Variants in ZBTB34 observed in about 807,000 individuals in gnomAD.
ZBTB34 encodes zinc finger and BTB domain-containing protein 34.
In ZBTB34, 1 loss-of-function variant was observed where a neutral mutation model predicts 33.4. The observed-to-expected ratio is 0.03, with a 90% confidence interval of 0.01 to 0.14. The LOEUF (loss-of-function observed/expected upper bound fraction) is 0.14. Ranked by LOEUF, ZBTB34 falls within the 10% of genes least tolerant of loss-of-function variation. The probability of loss-of-function intolerance (pLI) is 1.00; values close to 1 mark genes in which losing one functional copy is unlikely to be tolerated. For missense variants in ZBTB34, 406 were observed against 657.2 expected (o/e 0.62, Z 4.18); for synonymous variants, 283 against 253.5 (o/e 1.12, Z -1.11).
At chr9:126,884,340 G>A (rs1184869171) in exon 2 of ZBTB34, 1 of 166,982 alleles carries the variant, frequency 6.0e-6, no homozygotes, top group African/African-American at 2.4e-5. Context: ...TTCTACTAAA[G>A]CTGTAAATAC....
At chr9:126,876,165 TCCCCCCTTC>T (rs2033355131) in intron 1 of ZBTB34, among the ~76,000 whole-genome samples, 1 of 1,114 alleles carries the variant, frequency 9.0e-4, no homozygotes, top group African/African-American at 5.7e-3. Flanking sequence ...CTTCCGTCCT[TCCCCCCTTC>T]CCCCCTTTCC....
rs114919985 is a variant in ZBTB34, at chr9:126,865,189, T to C, written c.-11+4450T>C. 6.2e-3 allele frequency among the ~76,000 whole-genome samples: 939 copies of C among 152,370 alleles called. 13 individuals carry two copies. Among genetic ancestry groups the C allele is most frequent in the African/African-American group, 0.021 (893 of 41,586 alleles). On this transcript the variant is annotated intron_variant, in intron 1 of 1. Coordinates refer to ENST00000319119, the Ensembl canonical transcript of ZBTB34. ...AATAAGCCACCGTGCTAGATTTTGC[T>C]GTGGGCAGAGACGATCCCGCATCTC... is the stretch of plus-strand genomic sequence containing the variant.
At chr9:126,861,913 A>T (rs1449721880) in intron 1 of ZBTB34, among the ~76,000 whole-genome samples, 1 of 152,158 alleles carries the variant, frequency 6.6e-6, no homozygotes, top group Non-Finnish European at 1.5e-5. Context: ...GGAAGTCAAA[A>T]AATAGTTGAG....
chr9:126,866,125 T>C (rs1230949197), intron 1 of ZBTB34, among the ~76,000 whole-genome samples: 6 of 150,888 alleles, frequency 4.0e-5, no homozygotes, highest in Non-Finnish European at 5.9e-5. Flanking sequence ...CCTTCTCTCT[T>C]TTTTTTTTCC....
At chr9:126,870,965 T>A (rs2033269495) in intron 1 of ZBTB34, among the ~76,000 whole-genome samples, 1 of 151,762 alleles carries the variant, frequency 6.6e-6, no homozygotes, top group Admixed American at 6.6e-5. Context: ...ATGAGGTACA[T>A]CTTTCACCTA....
chr9:126,880,328 G>T lies in ZBTB34; in HGVS notation c.929G>T (p.Ser310Ile). Reference sequence around the variant, plus strand: ...GCTTTTGGAAGTTTGAGTAATTCCAGCCCATCCAGGTCCATGCTGAGCTGT... The same window carrying T: ...GCTTTTGGAAGTTTGAGTAATTCCATCCCATCCAGGTCCATGCTGAGCTGT... The change falls in exon 2 of 2, where the codon AGC becomes ATC. Residue 310 changes from serine (S) to isoleucine (I), a missense_variant. Physicochemically the swap from Ser to Ile is moderately radical, Grantham distance 142. This residue lies in a region of ZBTB34 where 123 missense variants were observed against 140.4 expected (regional missense o/e 0.88). Coordinates refer to ENST00000319119, the Ensembl canonical transcript of ZBTB34. The surrounding 1 kb of genome is among the most constrained non-coding windows in gnomAD (Gnocchi z 6.7). 6.2e-7 allele frequency: 1 copy of T among 1,613,974 alleles called. No homozygotes were observed. The highest frequency in any genetic ancestry group is 8.5e-7 in the Non-Finnish European group (1 of 1,179,894).
chr9:126,883,187 G>A (rs1051198453), exon 2 of ZBTB34: 12 of 166,450 alleles, frequency 7.2e-5, no homozygotes, highest in Non-Finnish European at 1.6e-4. Flanking sequence ...ACATGAATAA[G>A]TTTGGTTTTG....
chr9:126,864,307 G>A (rs1039333101), intron 1 of ZBTB34, among the ~76,000 whole-genome samples: 42 of 152,100 alleles, frequency 2.8e-4, no homozygotes, highest in Admixed American at 2.4e-3. Flanking sequence ...TCTTAGTGTC[G>A]TCTAAGAGCT....
chr9:126,883,508 C>G (rs1387495441), exon 2 of ZBTB34: 3 of 167,052 alleles, frequency 1.8e-5, no homozygotes, highest in Non-Finnish European at 4.4e-5. Context: ...AGTGACTTAT[C>G]CAAAATTGTC....
chr9:126,867,073 G>A lies in ZBTB34; in HGVS notation c.-11+6334G>A, dbSNP rs562107920. ...TCTACCCACTCTTCTTAATAGCTGC[G>A]TAGTATTTCATTGTTGATTATATTT... is the stretch of plus-strand genomic sequence containing the variant. On this transcript the variant is annotated intron_variant, in intron 1 of 1. Coordinates refer to ENST00000319119, the Ensembl canonical transcript of ZBTB34. 5.3e-5 allele frequency among the ~76,000 whole-genome samples: 8 copies of A among 150,156 alleles called. No homozygotes were observed. The South Asian group carries it at 6.3e-4, about 12-fold the overall frequency.
chr9:126,863,967 C>T (rs1297285193), intron 1 of ZBTB34, among the ~76,000 whole-genome samples: 1 of 152,156 alleles, frequency 6.6e-6, no homozygotes, highest in East Asian at 1.9e-4. Flanking sequence ...TGACTGCAAA[C>T]CACTTGAAGT....
chr9:126,880,025 G>A lies in ZBTB34; in HGVS notation c.626G>A (p.Ser209Asn). The A allele has an allele frequency of 6.2e-7, 1 of 1,613,716 alleles. No homozygotes were observed. Among genetic ancestry groups the A allele is most frequent in the Non-Finnish European group, 8.5e-7 (1 of 1,179,900 alleles). The change falls in exon 2 of 2, where the codon AGT becomes AAT. Residue 209 changes from serine (S) to asparagine (N), a missense_variant. This residue lies in a region of ZBTB34 where 137 missense variants were observed against 173.0 expected (regional missense o/e 0.79). Transcript: ENST00000319119. The surrounding 1 kb of genome is among the most constrained non-coding windows in gnomAD (Gnocchi z 6.7). ...GAGGGGCACTCAGACCGCGGGAGCA[G>A]TGGGAGCGTTTCTGAATATGAGATT...
chr9:126,880,608 C>G lies in ZBTB34; in HGVS notation c.1209C>G (p.Pro403=), dbSNP rs771186243. ...TGCGACTCCATATGGGAATCACCCC[C>G]TTTGTGTGCAAGTTCTGTGGGAAGA... Residue 403 remains proline (P), a synonymous_variant, in exon 2 of 2, where the codon CCC becomes CCG. Transcript: ENST00000319119. This position sits in a 1 kb window ranked among gnomAD's most constrained non-coding sequence, Gnocchi z 6.7. The G allele has an allele frequency of 1.2e-6, 2 of 1,613,902 alleles. No individual in the cohort carries two copies. The highest frequency in any genetic ancestry group is 8.5e-7 in the Non-Finnish European group (1 of 1,179,898).
At chr9:126,868,805 G>C (rs745744889) in intron 1 of ZBTB34, among the ~76,000 whole-genome samples, 10 of 152,166 alleles carry the variant, frequency 6.6e-5, no homozygotes, top group Non-Finnish European at 1.5e-5. Flanking sequence ...CAAAAGGACC[G>C]GTTTACTTGA....
chr9:126,863,970 C>T (rs1380198286), intron 1 of ZBTB34, among the ~76,000 whole-genome samples: 3 of 152,206 alleles, frequency 2.0e-5, no homozygotes, highest in Non-Finnish European at 2.9e-5. Context: ...CTGCAAACCA[C>T]TTGAAGTACA....
chr9:126,874,301 C>T (rs997211063), intron 1 of ZBTB34, among the ~76,000 whole-genome samples: 2 of 151,810 alleles, frequency 1.3e-5, no homozygotes, highest in African/African-American at 2.4e-5. Context: ...CTGCCCGCCC[C>T]GGCCTCCCAA....
chr9:126,879,735 T>G lies in ZBTB34; in HGVS notation c.336T>G (p.Phe112Leu). 6.2e-7 allele frequency: 1 copy of G among 1,613,558 alleles called. No homozygotes were observed. Among genetic ancestry groups the G allele is most frequent in the Non-Finnish European group, 8.5e-7 (1 of 1,179,904 alleles). ...TCAGTTTTCTGACTGCAGCCAGCTT[T>G]CTTCAGATGCAGTGTGTCATTGACA... The change falls in exon 2 of 2, where the codon TTT (phenylalanine) becomes TTG (leucine). Residue 112 changes from phenylalanine (F) to leucine (L), a missense_variant. This residue lies in a region of ZBTB34 where 50 missense variants were observed against 157.9 expected (regional missense o/e 0.32). Transcript: ENST00000319119. The surrounding 1 kb of genome is among the most constrained non-coding windows in gnomAD (Gnocchi z 6.4).
At chr9:126,871,093 T>G (rs926289150) in intron 1 of ZBTB34, among the ~76,000 whole-genome samples, 1 of 152,068 alleles carries the variant, frequency 6.6e-6, no homozygotes, top group African/African-American at 2.4e-5. Context: ...TTTGGCATTA[T>G]CAACTGAAAT....
exon 2 of ZBTB34, chr9:126,881,027 A>G: frequency 8.0e-7 from 1 of 1,256,092 alleles, no homozygotes; most frequent in Non-Finnish European, 1.1e-6. Context: ...GTCTCTTGGC[A>G]GTTTTTCTAA....
Sources: allele counts gnomAD v4.1 joint callset (sites outside exome capture counted in the v4.1 genomes callset), GRCh38; gene constraint gnomAD v4.1.1; regional missense constraint gnomAD v4.1.1; non-coding constraint Gnocchi (gnomAD v3.1); transcripts MANE v1.5; gene names NCBI Gene and HGNC (gene_info 2026-07-23, HGNC 2026-07-21).